ANK3: variants seen among roughly 807,000 people sequenced by gnomAD.
ANK3 encodes ankyrin 3.
In ANK3, 57 loss-of-function variants were observed where a neutral mutation model predicts 370.9. That is an observed-to-expected ratio of 0.15 (90% confidence interval 0.12 to 0.19). The LOEUF is 0.19. Ranked by LOEUF, ANK3 falls within the 10% of genes least tolerant of loss-of-function variation. The probability of loss-of-function intolerance (pLI) is 1.00; values close to 1 mark genes in which losing one functional copy is unlikely to be tolerated. For synonymous variants in ANK3, 1,929 were observed against 1,946.3 expected (o/e 0.99, Z 0.23); for missense variants, 4,439 against 5,302.1 (o/e 0.84, Z 5.06).
upstream of ANK3, among the ~76,000 whole-genome samples, chr10:60,390,033 C>G (rs934245184): frequency 7.0e-6 from 1 of 142,998 alleles, no homozygotes; most frequent in African/African-American, 2.6e-5. Context: ...TACATCACCA[C>G]TAGATCTACA....
Position 60,083,497 on chromosome 10 carries a change from T to A in ANK3, c.4195A>T (p.Ile1399Phe). Residue 1399 changes from isoleucine (I) to phenylalanine (F), a missense_variant, in exon 33 of 44, where the codon ATC becomes TTC. Transcript: ENST00000280772. ...SFKENRLPFSIKIRDTSQEPC... is the reference protein window; with the variant it reads ...SFKENRLPFSFKIRDTSQEPC... The stretch of plus-strand genomic sequence containing the variant: ...CTCTGTTAAAGATGATTTACCTTGA[T>A]GGAAAATGGCAGTCTATTTTCTTTG... 6.2e-7 allele frequency: 1 copy of A among 1,610,790 alleles called. No individual in the cohort carries two copies. The highest frequency in any genetic ancestry group is 8.5e-7 in the Non-Finnish European group (1 of 1,178,872).
At chr10:60,732,068 A>T (rs1010866039) in intron 1 of ANK3, among the ~76,000 whole-genome samples, 1 of 152,218 alleles carries the variant, frequency 6.6e-6, no homozygotes, top group Admixed American at 6.5e-5. Flanking sequence ...GGGCAATTCT[A>T]CATAACTTAA....
At chr10:60,199,756 A>G (rs2096644757) in intron 13 of ANK3, among the ~76,000 whole-genome samples, 1 of 152,054 alleles carries the variant, frequency 6.6e-6, no homozygotes, top group Non-Finnish European at 1.5e-5. Flanking sequence ...TTATAAGTCA[A>G]CCAGAAAAGC....
At position 60,073,285 on chromosome 10, in the gene ANK3, T is replaced by A. The variant is rs1338515607; in HGVS notation, c.7596A>T (p.Lys2532Asn). ...VSENGVGKVS[K>N]DEHFDKVTVL... ...CTGTCACTTTATCAAAATGCTCATC[T>A]TTAGACACTTTACCTACACCATTTT... The change falls in exon 37 of 44, where the codon AAA becomes AAT. Residue 2532 changes from lysine (K) to asparagine (N), a missense_variant. By Grantham distance (94) the Lys-to-Asn change is moderately conservative. This residue lies in a region of ANK3 where 1,601 missense variants were observed against 1,731.7 expected (regional missense o/e 0.92). Coordinates refer to ENST00000280772, the MANE Select transcript of ANK3 (RefSeq NM_020987.5). 6.2e-7 allele frequency: 1 copy of A among 1,614,142 alleles called. No individual in the cohort carries two copies. Among genetic ancestry groups the A allele is most frequent in the Non-Finnish European group, 8.5e-7 (1 of 1,180,018 alleles).
At chr10:60,052,446 G>T (rs148402493) in intron 42 of ANK3, among the ~76,000 whole-genome samples, 1 of 152,146 alleles carries the variant, frequency 6.6e-6, no homozygotes, top group South Asian at 2.1e-4. Context: ...TACTGAGAAA[G>T]AATTTAATGA....
intron 2 of ANK3, among the ~76,000 whole-genome samples, chr10:60,487,800 T>C (rs919819972): frequency 4.6e-5 from 7 of 151,408 alleles, no homozygotes; most frequent in African/African-American, 1.7e-4. Context: ...CCACAACCTC[T>C]GCCTCCAGGG....
chr10:60,196,808 A>T (rs1267564113), intron 14 of ANK3, among the ~76,000 whole-genome samples, 183 bp from the exon 15 acceptor site: 3 of 152,208 alleles, frequency 2.0e-5, no homozygotes, highest in Non-Finnish European at 4.4e-5. Context: ...CAAGACTCAC[A>T]GATAAGAGTT....
intron 2 of ANK3, among the ~76,000 whole-genome samples, chr10:60,488,140 G>T (rs757359135): frequency 1.3e-5 from 2 of 152,134 alleles, no homozygotes; most frequent in Non-Finnish European, 2.9e-5. Context: ...TAGAGAAGCA[G>T]AAACAAATAC....
chr10:60,257,009 TG>T (rs1312541363), intron 7 of ANK3, among the ~76,000 whole-genome samples: 1 of 152,234 alleles, frequency 6.6e-6, no homozygotes, highest in African/African-American at 2.4e-5. Context: ...CTGGGTTGAA[TG>T]GTAGTTTAAG....
intron 2 of ANK3, chr10:60,615,149 T>C: frequency 2.2e-6 from 3 of 1,351,174 alleles, no homozygotes; most frequent in Non-Finnish European, 3.0e-6. Flanking sequence ...CCACACAAAA[T>C]AATATATTTG....
At chr10:60,676,235 A>G (rs1317267927) in intron 1 of ANK3, among the ~76,000 whole-genome samples, 1 of 152,208 alleles carries the variant, frequency 6.6e-6, no homozygotes, top group Non-Finnish European at 1.5e-5. Flanking sequence ...AACAGTAGAT[A>G]ATTCTTGCAA....
chr10:60,718,097 G>C (rs2079814847), intron 1 of ANK3, among the ~76,000 whole-genome samples: 1 of 152,240 alleles, frequency 6.6e-6, no homozygotes, highest in Non-Finnish European at 1.5e-5. Context: ...AGACTCAGCT[G>C]CTGTGATTAT....
intron 5 of ANK3, among the ~76,000 whole-genome samples, chr10:60,267,927 T>C (rs1357143853): frequency 6.6e-6 from 1 of 152,202 alleles, no homozygotes; most frequent in Non-Finnish European, 1.5e-5. Flanking sequence ...GGACACAATG[T>C]GTGTATCGTA....
At chr10:60,434,126 T>C (rs1282398760) in intron 2 of ANK3, among the ~76,000 whole-genome samples, 2 of 152,252 alleles carry the variant, frequency 1.3e-5, no homozygotes, top group Non-Finnish European at 2.9e-5. Flanking sequence ...TGATTAAACA[T>C]TCAAAACCTC....
chr10:60,292,507 G>C (rs1417175235), intron 1 of ANK3, among the ~76,000 whole-genome samples: 1 of 151,990 alleles, frequency 6.6e-6, no homozygotes, highest in East Asian at 1.9e-4. Context: ...GTGTAATCAT[G>C]TTTATTTCAG....
chr10:60,683,584 T>C (rs2079225531), intron 1 of ANK3, among the ~76,000 whole-genome samples: 1 of 152,236 alleles, frequency 6.6e-6, no homozygotes, highest in African/African-American at 2.4e-5. Flanking sequence ...CCTTCTTCCA[T>C]ATCCATTCTA....
At chr10:60,080,473 T>C in intron 36 of ANK3, 64 bp downstream of exon 36, 4 of 1,438,238 alleles carry the variant, frequency 2.8e-6, no homozygotes, top group Admixed American at 3.8e-5. Context: ...ATTTGGTTTG[T>C]ATAGAAAAAA....
At chr10:60,137,789 G>A (rs570338163) in intron 24 of ANK3, among the ~76,000 whole-genome samples, 1 of 152,194 alleles carries the variant, frequency 6.6e-6, no homozygotes, top group South Asian at 2.1e-4. Context: ...ATTATCAGAA[G>A]AACAGAAGGC....
At chr10:60,670,128 T>C (rs952931004) in intron 1 of ANK3, among the ~76,000 whole-genome samples, 8 of 152,096 alleles carry the variant, frequency 5.3e-5, no homozygotes, top group African/African-American at 1.9e-4. Flanking sequence ...CCAGCCCTAA[T>C]TGATTTTAAA....
Sources: gnomAD v4.1 joint callset for allele counts (sites outside exome capture counted in the v4.1 genomes callset) on GRCh38, gnomAD v4.1.1 for gene constraint, gnomAD v4.1.1 regional missense constraint, MANE v1.5 for transcripts, NCBI Gene and HGNC (gene_info 2026-07-23, HGNC 2026-07-21) for gene names.